TMEM181: variants seen among roughly 807,000 people sequenced by gnomAD.
TMEM181 encodes the protein G protein-coupled receptor 178.
Under a neutral mutation model 71.9 loss-of-function variants are expected in TMEM181, and 39 were observed. That is an observed-to-expected ratio of 0.54 (90% CI 0.42 to 0.71). TMEM181 has a LOEUF of 0.71. Among genes scored for constraint, TMEM181 ranks in the 30% least tolerant of loss-of-function variants. The probability of loss-of-function intolerance (pLI) is 0.00; values close to 1 mark genes in which losing one functional copy is unlikely to be tolerated. For missense variants in TMEM181, 595 were observed against 583.0 expected (o/e 1.02, Z -0.21); for synonymous variants, 245 against 228.8 (o/e 1.07, Z -0.64).
chr6:158,631,234 A>G (rs934925263), intron 15 of TMEM181, 89 bp from the exon 16 acceptor site: 8 of 1,372,904 alleles, frequency 5.8e-6, no homozygotes, highest in African/African-American at 5.7e-5. Flanking sequence ...GTTCTTTCCA[A>G]CTCCCTTCCT....
chr6:158,553,519 TATTAA>T (rs933740848), intron 1 of TMEM181, among the ~76,000 whole-genome samples: 2 of 152,230 alleles, frequency 1.3e-5, no homozygotes, highest in East Asian at 1.9e-4. Context: ...AAACCAACAA[TATTAA>T]ATTAGTCTTA....
At chr6:158,539,197 T>C (rs1781248619) in intron 1 of TMEM181, among the ~76,000 whole-genome samples, 1 of 152,156 alleles carries the variant, frequency 6.6e-6, no homozygotes, top group Non-Finnish European at 1.5e-5. Flanking sequence ...CCCCCCGCCA[T>C]GAGCACAAGT....
At chr6:158,621,889 C>G (rs1283431194) in intron 10 of TMEM181, among the ~76,000 whole-genome samples, 4 of 152,196 alleles carry the variant, frequency 2.6e-5, no homozygotes, top group Non-Finnish European at 5.9e-5. Context: ...CAAAGCGCTT[C>G]CGAAGACCAC....
intron 10 of TMEM181, among the ~76,000 whole-genome samples, chr6:158,621,162 T>G (rs1037064872): frequency 6.6e-6 from 1 of 152,248 alleles, no homozygotes; most frequent in Non-Finnish European, 1.5e-5. Flanking sequence ...TAGGACCCAC[T>G]GTTCTACTGG....
At chr6:158,593,826 C>T (rs1282603328) in intron 6 of TMEM181, among the ~76,000 whole-genome samples, 1 of 152,118 alleles carries the variant, frequency 6.6e-6, no homozygotes, top group African/African-American at 2.4e-5. Context: ...GCTCTCTCCG[C>T]CCACACATGC....
intron 1 of TMEM181, among the ~76,000 whole-genome samples, chr6:158,543,723 T>TA (rs1033721902): frequency 3.3e-5 from 5 of 152,228 alleles, no homozygotes; most frequent in Non-Finnish European, 7.3e-5. Context: ...GGGCCCGCCT[T>TA]AATGACCTCA....
In TMEM181 at chr6:158,631,707, C is replaced by T. The variant is rs1049514597; in HGVS notation, c.1350-103C>T. ...AGTTGGTGATAGAAAATTGAAAGAG[C>T]GAAGCTATGATTTAATTCCTGCTGG... On this transcript the variant is annotated intron_variant, in intron 16 of 16. Transcript: ENST00000684151. The T allele has an allele frequency of 2.8e-5, 37 of 1,314,258 alleles. No homozygotes were observed. The Admixed American group carries it at 4.3e-4, about 15-fold the overall frequency. 81.4% of individuals were successfully genotyped at this position (1,314,258 alleles called of 1,614,324 possible).
rs775611139 is a variant in TMEM181, at chr6:158,589,758, C to T, written c.468C>T (p.Leu156=). 5 of 1,613,950 alleles carry T rather than the reference C, an allele frequency of 3.1e-6. No homozygotes were observed. The highest frequency in any genetic ancestry group is 2.2e-5 in the East Asian group (1 of 44,886). The change falls in exon 6 of 17, where the codon CTC becomes CTT. Residue 156 remains leucine, a synonymous_variant. Coordinates refer to ENST00000684151, the MANE Select transcript of TMEM181 (RefSeq NM_001376852.1). ...TAGTGGGATTTGAACACCTGAAGCT[C>T]CCCATCAAGGGAATGAACTTCACAG... ...TVIVGFEHLK[L]PIKGMNFTWK... is the part of the protein sequence containing the mutation.
intron 2 of TMEM181, among the ~76,000 whole-genome samples, chr6:158,574,544 A>G (rs1398653912): frequency 6.6e-6 from 1 of 151,796 alleles, no homozygotes; most frequent in East Asian, 1.9e-4. Flanking sequence ...ATTTTAAGCC[A>G]CTCTTCTGTC....
intron 1 of TMEM181, among the ~76,000 whole-genome samples, chr6:158,568,215 T>C (rs546721294): frequency 6.6e-6 from 1 of 152,124 alleles, no homozygotes; most frequent in African/African-American, 2.4e-5. Context: ...AGGCAGGAAG[T>C]GGGCAGTGGA....
intron 2 of TMEM181, among the ~76,000 whole-genome samples, chr6:158,579,447 C>T (rs1417771690): frequency 2.6e-5 from 4 of 151,640 alleles, no homozygotes; most frequent in South Asian, 2.1e-4. Context: ...TTCGGCCGGG[C>T]GCAGTGGCTC....
chr6:158,633,779 A>G lies in TMEM181; in HGVS notation c.*1891A>G, dbSNP rs1487213001. 2 of 152,250 alleles carry G rather than the reference A, an allele frequency of 1.3e-5. No individual in the cohort carries two copies. Among genetic ancestry groups the G allele is most frequent in the South Asian group, 2.1e-4 (1 of 4,836 alleles). 9.4% of individuals were successfully genotyped at this position (152,250 alleles called of 1,614,324 possible). ...TACTGCAAGGGTAATTCAAGTTTACATGATTTTTAAATTTGCAATGATGTT... is the reference window on the plus strand; with the variant it reads ...TACTGCAAGGGTAATTCAAGTTTACGTGATTTTTAAATTTGCAATGATGTT... On this transcript the variant is annotated 3_prime_UTR_variant, in exon 17 of 17. Transcript: ENST00000684151.
intron 10 of TMEM181, among the ~76,000 whole-genome samples, chr6:158,617,320 G>A (rs923837592): frequency 1.3e-5 from 2 of 151,996 alleles, no homozygotes; most frequent in African/African-American, 4.8e-5. Context: ...CTGTGGGTTC[G>A]GTGGTGATAT....
intron 11 of TMEM181, among the ~76,000 whole-genome samples, chr6:158,624,786 G>A (rs1409028869): frequency 6.6e-6 from 1 of 152,212 alleles, no homozygotes; most frequent in African/African-American, 2.4e-5. Flanking sequence ...CTCGCCCCCA[G>A]GGGCGAGAGA....
chr6:158,591,531 T>C (rs748634450), intron 6 of TMEM181, among the ~76,000 whole-genome samples: 5 of 151,918 alleles, frequency 3.3e-5, no homozygotes, highest in Non-Finnish European at 5.9e-5. Context: ...ATCCGATTAG[T>C]ATTCTGCTTG....
intron 11 of TMEM181, among the ~76,000 whole-genome samples, 155 bp downstream of exon 11, chr6:158,623,762 A>AT (rs34320485): frequency 7.2e-4 from 104 of 144,090 alleles, no homozygotes; most frequent in South Asian, 3.5e-3. Context: ...ATTTGGGGAA[A>AT]TTTTTTTTTT....
chr6:158,587,393 CT>C (rs1296989366), intron 5 of TMEM181, among the ~76,000 whole-genome samples: 1 of 152,198 alleles, frequency 6.6e-6, no homozygotes, highest in African/African-American at 2.4e-5. Context: ...TATCTTGCTT[CT>C]GTTCCTTGTC....
chr6:158,544,182 A>AGTGTGTGTGTGTGTGTGTGTGTGT (rs34605570), intron 1 of TMEM181, among the ~76,000 whole-genome samples: 1 of 127,562 alleles, frequency 7.8e-6, no homozygotes, highest in African/African-American at 3.0e-5. Context: ...AATTGGAGAG[A>AGTGTGTGTGTGTGTGTGTGTGTGT]GTGTGTGTGT....
At position 158,582,655 on chromosome 6, in the gene TMEM181, G is replaced by A. The variant is rs551762002; in HGVS notation, c.169-1299G>A. Reference sequence around the variant, plus strand: ...ACTCCAGCCCTGGGTGACAGAGCACGACCCTGTCTTAAAAAAGAAAAAAAA... The same window carrying A: ...ACTCCAGCCCTGGGTGACAGAGCACAACCCTGTCTTAAAAAAGAAAAAAAA... On this transcript the variant is annotated intron_variant, in intron 3 of 16. Transcript: ENST00000684151. Among the ~76,000 whole-genome samples the A allele has an allele frequency of 1.1e-4, 16 of 151,756 alleles. 1 individual carries two copies. The South Asian group carries it at 3.3e-3, about 32-fold the overall frequency.
Sources: gnomAD v4.1 joint callset for allele counts (sites outside exome capture counted in the v4.1 genomes callset) on GRCh38, gnomAD v4.1.1 for gene constraint, MANE v1.5 for transcripts, NCBI Gene and HGNC (gene_info 2026-07-23, HGNC 2026-07-21) for gene names.